The following ACACA variants were observed in gnomAD, a reference collection of about 807,000 sequenced individuals.
ACACA encodes acetyl-CoA carboxylase 1.
A neutral mutation model predicts 296.1 loss-of-function variants in ACACA; 103 were observed. The ratio of observed to expected loss-of-function variants is 0.35; its 90% CI spans 0.30 to 0.41. ACACA has a LOEUF of 0.41. Ranked by LOEUF, ACACA falls within the 10% of genes least tolerant of loss-of-function variation. The pLI is 1.00. For missense variants in ACACA, 1,554 were observed against 2,989.7 expected, an observed-to-expected ratio of 0.52 and a Z score of 11.20; for synonymous variants, 953 against 1,038.6, an observed-to-expected ratio of 0.92 and a Z score of 1.58.
At chr17:37,346,700 T>TA (rs2048637893) in intron 1 of ACACA, among the ~76,000 whole-genome samples, 2 of 106,592 alleles carry the variant, frequency 1.9e-5, no homozygotes, top group East Asian at 5.8e-4. Flanking sequence ...AGACTCCATC[T>TA]CAAAAAAAAA....
intron 10 of ACACA, among the ~76,000 whole-genome samples, chr17:37,266,304 C>T (rs919305067): frequency 1.3e-5 from 2 of 151,890 alleles, no homozygotes; most frequent in Admixed American, 1.3e-4. Context: ...ATCCCAACTA[C>T]TCGGGAGGCT....
chr17:37,099,475 G>T (rs1037914684), intron 52 of ACACA, among the ~76,000 whole-genome samples: 1 of 145,404 alleles, frequency 6.9e-6, no homozygotes, highest in Non-Finnish European at 1.6e-5. Context: ...AGGGATGGAG[G>T]GCTGATGGGA....
rs2075018373 is a variant in ACACA, at chr17:37,130,106, G to A, written c.5792C>T (p.Thr1931Ile). ...CATGTAAGACAGCCAGTGCAGGACA[G>A]TGAAAACCCCTTCAAAGTCATCACA... Reference protein sequence around the residue: ...TVCDDFEGVFTVLHWLSYMPK... With the variant: ...TVCDDFEGVFIVLHWLSYMPK... The change falls in exon 46 of 56, where the codon ACT becomes ATT. Residue 1931 changes from threonine (T) to isoleucine (I), a missense_variant. Transcript: ENST00000616317. 1 of 1,614,198 alleles carries A rather than the reference G, an allele frequency of 6.2e-7. No individual in the cohort carries two copies. Among genetic ancestry groups the A allele is most frequent in the Non-Finnish European group, 8.5e-7 (1 of 1,180,028 alleles).
intron 27 of ACACA, 119 bp from the exon 28 acceptor site, chr17:37,223,720 T>C (rs2079401770): frequency 1.3e-6 from 1 of 752,652 alleles, no homozygotes; most frequent in African/African-American, 1.7e-5. Flanking sequence ...AATGCCATAA[T>C]CTCTCTGTGC....
intron 45 of ACACA, among the ~76,000 whole-genome samples, chr17:37,138,508 T>C (rs1013470091): frequency 1.3e-5 from 2 of 152,224 alleles, no homozygotes; most frequent in African/African-American, 2.4e-5. Context: ...TTGGAGATTA[T>C]TAAACTTGGA....
intron 17 of ACACA, 69 bp downstream of exon 17, chr17:37,248,524 T>C: frequency 8.2e-7 from 1 of 1,220,152 alleles, no homozygotes; most frequent in Non-Finnish European, 1.2e-6. Flanking sequence ...AAACTTTTTC[T>C]CCTGCCTCTC....
chr17:37,101,888 T>A (rs992196548), intron 52 of ACACA, among the ~76,000 whole-genome samples: 1 of 152,218 alleles, frequency 6.6e-6, no homozygotes, highest in Non-Finnish European at 1.5e-5. Context: ...CTGACATGGC[T>A]AAACGCACAT....
rs188101318 is a variant in ACACA, at chr17:37,251,013, C to G, written c.2081+992G>C. On this transcript the variant is annotated intron_variant, in intron 16 of 55. Coordinates refer to ENST00000616317, the MANE Select transcript of ACACA (RefSeq NM_198834.3). ...CTGCACTCCAGCCTGGGCATCAGTG[C>G]GAGACTCTGTCTCAAAGATAAAAAA... Among the ~76,000 whole-genome samples, 5 of 151,900 alleles carry G rather than the reference C, an allele frequency of 3.3e-5. No individual in the cohort carries two copies. The South Asian group carries it at 1.0e-3, about 32-fold the overall frequency.
intron 19 of ACACA, among the ~76,000 whole-genome samples, 174 bp from the exon 20 acceptor site, chr17:37,245,388 C>A (rs2080644747): frequency 6.6e-6 from 1 of 152,208 alleles, no homozygotes; most frequent in African/African-American, 2.4e-5. Context: ...ATTAGAAAAT[C>A]TCTCAGTACC....
At chr17:37,252,223 A>C in intron 15 of ACACA, 115 bp from the exon 16 acceptor site, 4 of 812,318 alleles carry the variant, frequency 4.9e-6, no homozygotes, top group Non-Finnish European at 8.5e-6. Flanking sequence ...GAAAATCTCC[A>C]TTCTCACTGC....
At chr17:37,255,317 T>C (rs1372483354) in intron 14 of ACACA, among the ~76,000 whole-genome samples, 1 of 151,958 alleles carries the variant, frequency 6.6e-6, no homozygotes, top group East Asian at 1.9e-4. Context: ...AATATATGAG[T>C]TGGGGCATTC....
chr17:37,391,400 C>G (rs1292503418), intron 1 of ACACA, among the ~76,000 whole-genome samples: 2 of 152,144 alleles, frequency 1.3e-5, no homozygotes, highest in Non-Finnish European at 2.9e-5. Flanking sequence ...CTGTTAGAAA[C>G]AGAACTATGA....
chr17:37,280,730 AACACAC>A (rs71979048), intron 5 of ACACA, among the ~76,000 whole-genome samples: 15 of 146,464 alleles, frequency 1.0e-4, no homozygotes, highest in East Asian at 2.0e-4. Context: ...TTACATAGTT[AACACAC>A]ACACACACAC....
At chr17:37,391,544 G>C in intron 1 of ACACA, 1 of 989,904 alleles carries the variant, frequency 1.0e-6, no homozygotes, top group Non-Finnish European at 1.6e-6. Flanking sequence ...AAGTGCACTT[G>C]GAATTACATG....
chr17:37,182,952 CA>C (rs750319148), intron 39 of ACACA, among the ~76,000 whole-genome samples: 1 of 152,106 alleles, frequency 6.6e-6, no homozygotes. Flanking sequence ...TCCTCTTCCA[CA>C]AGATCAATAG....
intron 10 of ACACA, among the ~76,000 whole-genome samples, chr17:37,267,314 G>A (rs997488617): frequency 5.3e-5 from 8 of 152,116 alleles, no homozygotes; most frequent in African/African-American, 1.7e-4. Flanking sequence ...CAAATGTGGT[G>A]CTGCTGACTG....
chr17:37,158,316 A>T (rs560309509), intron 42 of ACACA, among the ~76,000 whole-genome samples: 1 of 152,158 alleles, frequency 6.6e-6, no homozygotes, highest in Non-Finnish European at 1.5e-5. Flanking sequence ...CAGCTTGTAC[A>T]TGAAACTTAA....
intron 55 of ACACA, among the ~76,000 whole-genome samples, chr17:37,088,354 CAT>C (rs1374973941): frequency 1.3e-5 from 2 of 152,162 alleles, no homozygotes; most frequent in African/African-American, 4.8e-5. Flanking sequence ...AATGTATACA[CAT>C]ATGGGAGGGC....
Position 37,234,970 on chromosome 17 carries a change from C to T in ACACA, c.3246+5G>A. The T allele has an allele frequency of 6.2e-7, 1 of 1,613,696 alleles. No homozygotes were observed. On this transcript the variant is annotated splice_donor_5th_base_variant and intron_variant, in intron 25 of 55. Transcript: ENST00000616317. Reference sequence around the variant, plus strand: ...TCTTTACAAGTTCTGAAAAATGGTACTCACAATAAGCATTGTGACCAGAAG... The same window carrying T: ...TCTTTACAAGTTCTGAAAAATGGTATTCACAATAAGCATTGTGACCAGAAG...
Sources: gnomAD v4.1 joint callset for allele counts (sites outside exome capture counted in the v4.1 genomes callset) on GRCh38, gnomAD v4.1.1 for gene constraint, MANE v1.5 for transcripts, NCBI Gene and HGNC (gene_info 2026-07-23, HGNC 2026-07-21) for gene names.